The following NFIB variants were observed in gnomAD, a reference collection of about 807,000 sequenced individuals.
NFIB encodes the protein nuclear factor I B.
Under a neutral mutation model 61.5 loss-of-function variants are expected in NFIB, and 11 were observed. The ratio of observed to expected loss-of-function variants is 0.18; its 90% CI spans 0.11 to 0.30. The LOEUF is 0.30. NFIB is among the 10% of genes least tolerant of loss of function. The pLI, the probability that NFIB is intolerant of heterozygous loss-of-function variation, is 1.00. For missense variants in NFIB, 471 were observed against 608.9 expected (o/e 0.77, Z 2.38); for synonymous variants, 260 against 216.5 (o/e 1.20, Z -1.76).
intron 6 of NFIB, 120 bp from the exon 7 acceptor site, chr9:14,125,886 C>A: frequency 7.4e-7 from 1 of 1,342,598 alleles, no homozygotes. Flanking sequence ...GGCTCTTTTA[C>A]AAAATATATT....
intron 2 of NFIB, among the ~76,000 whole-genome samples, chr9:14,190,672 T>C (rs2047849471): frequency 6.6e-6 from 1 of 152,128 alleles, no homozygotes; most frequent in South Asian, 2.1e-4. Flanking sequence ...AAATTAAAAC[T>C]GTGCAGGCAA....
At chr9:14,161,223 A>T (rs972003115) in intron 3 of NFIB, among the ~76,000 whole-genome samples, 1 of 152,184 alleles carries the variant, frequency 6.6e-6, no homozygotes, top group East Asian at 1.9e-4. Context: ...TTAAAGCTAA[A>T]CTTGTGTTGA....
intron 1 of NFIB, chr9:14,398,464 C>G: frequency 5.6e-6 from 7 of 1,241,322 alleles, no homozygotes; most frequent in Non-Finnish European, 6.7e-6. Flanking sequence ...GACACATTGT[C>G]TAAGAAGTTG....
chr9:14,342,330 A>G (rs900816722), intron 1 of NFIB, among the ~76,000 whole-genome samples: 2 of 152,202 alleles, frequency 1.3e-5, no homozygotes, highest in Admixed American at 6.5e-5. Flanking sequence ...AAGGAGCAAC[A>G]AAGTTTCCCT....
intron 1 of NFIB, among the ~76,000 whole-genome samples, chr9:14,331,718 A>G (rs552678066): frequency 1.3e-5 from 2 of 152,338 alleles, no homozygotes; most frequent in South Asian, 4.1e-4. Context: ...CGCAAAGGCT[A>G]TGTGACTCTG....
intron 6 of NFIB, among the ~76,000 whole-genome samples, chr9:14,129,913 C>G (rs1234907815): frequency 6.6e-6 from 1 of 152,134 alleles, no homozygotes; most frequent in Non-Finnish European, 1.5e-5. Context: ...GCTGATGTTT[C>G]TACTGGTGGG....
chr9:14,211,987 G>C (rs372923457), intron 2 of NFIB, among the ~76,000 whole-genome samples: 1 of 152,178 alleles, frequency 6.6e-6, no homozygotes, highest in Non-Finnish European at 1.5e-5. Flanking sequence ...ATTGGTAGCT[G>C]CAATTTAGCC....
chr9:14,475,507 G>A, the NFIB span, among the ~76,000 whole-genome samples: 1 of 152,132 alleles, frequency 6.6e-6, no homozygotes, highest in Non-Finnish European at 1.5e-5. Flanking sequence ...TGGAAAAAAG[G>A]CCAGCGAGTC....
At chr9:14,233,722 G>T in intron 2 of NFIB, among the ~76,000 whole-genome samples, 1 of 152,270 alleles carries the variant, frequency 6.6e-6, no homozygotes, top group Non-Finnish European at 1.5e-5. Flanking sequence ...GAACCACTGG[G>T]CCCAGACTTG....
chr9:14,350,861 C>T (rs544454941), intron 1 of NFIB, among the ~76,000 whole-genome samples: 3 of 152,262 alleles, frequency 2.0e-5, no homozygotes, highest in Non-Finnish European at 4.4e-5. Flanking sequence ...AATCTTCCTG[C>T]CTGCAAATAT....
intron 1 of NFIB, among the ~76,000 whole-genome samples, chr9:14,320,715 G>A (rs1478903467): frequency 3.3e-5 from 5 of 152,180 alleles, no homozygotes; most frequent in East Asian, 1.9e-4. Flanking sequence ...TTATTTACAC[G>A]TGCATTCTTT....
the NFIB span, among the ~76,000 whole-genome samples, chr9:14,479,159 C>G: frequency 3.9e-5 from 6 of 152,288 alleles, no homozygotes; most frequent in Admixed American, 3.9e-4. Flanking sequence ...AAAAGAGAAT[C>G]TAAGTCTAGT....
the NFIB span, among the ~76,000 whole-genome samples, chr9:14,433,411 T>C: frequency 1.4e-4 from 21 of 152,358 alleles, no homozygotes; most frequent in African/African-American, 3.6e-4. Context: ...TATCCAATGA[T>C]GCAGGAAAGT....
the NFIB span, among the ~76,000 whole-genome samples, chr9:14,459,312 A>T: frequency 2.6e-5 from 4 of 152,234 alleles, no homozygotes; most frequent in Non-Finnish European, 4.4e-5. Context: ...CTGGCTAGCC[A>T]TATGTAGAAA....
the NFIB span, among the ~76,000 whole-genome samples, chr9:14,428,505 G>C: frequency 6.6e-6 from 1 of 152,144 alleles, no homozygotes; most frequent in Non-Finnish European, 1.5e-5. Flanking sequence ...AAAAGAGAAA[G>C]AGGGAAGGAA....
rs569285164 is a variant in NFIB at position 14,334,721 on chromosome 9, T to TA, written c.109-27202dup. On this transcript the variant is annotated intron_variant, in intron 1 of 8. Coordinates refer to the NFIB transcript ENST00000380934. Reference sequence around the variant, plus strand: ...TGCCATACAATAAACTGCACATGTTTAAAGCGTACTAATTGATAAGTTTTG... The same window carrying TA: ...TGCCATACAATAAACTGCACATGTTTAAAAGCGTACTAATTGATAAGTTTTG... 9.8e-5 allele frequency among the ~76,000 whole-genome samples: 15 copies of TA among 152,288 alleles called. No individual in the cohort carries two copies. In the East Asian group the frequency reaches 2.1e-3, roughly 22 times the overall value.
At chr9:14,378,520 C>G (rs772455707) in intron 1 of NFIB, among the ~76,000 whole-genome samples, 7 of 152,156 alleles carry the variant, frequency 4.6e-5, no homozygotes, top group Non-Finnish European at 1.0e-4. Flanking sequence ...CCACGCCCAG[C>G]TAGTTTTTGT....
At chr9:14,458,139 T>C in the NFIB span, among the ~76,000 whole-genome samples, 17 of 152,226 alleles carry the variant, frequency 1.1e-4, no homozygotes, top group East Asian at 3.1e-3. Flanking sequence ...GCAAACCAAA[T>C]CCAGCAGCAC....
intron 1 of NFIB, among the ~76,000 whole-genome samples, chr9:14,385,029 T>A (rs949065104): frequency 1.3e-5 from 2 of 152,212 alleles, no homozygotes; most frequent in Non-Finnish European, 2.9e-5. Context: ...TTTGTCTGTA[T>A]CAAATATGAG....
Sources: gnomAD v4.1 joint callset for allele counts (sites outside exome capture counted in the v4.1 genomes callset) on GRCh38, gnomAD v4.1.1 for gene constraint, MANE v1.5 for transcripts, NCBI Gene and HGNC (gene_info 2026-07-23, HGNC 2026-07-21) for gene names.